DLG2: variants seen among roughly 807,000 people sequenced by gnomAD.
The protein encoded by DLG2 is discs large MAGUK scaffold protein 2.
In DLG2, 45 loss-of-function variants were observed where a neutral mutation model predicts 132.5. The ratio of observed to expected loss-of-function variants is 0.34; its 90% CI spans 0.27 to 0.44. The LOEUF (loss-of-function observed/expected upper bound fraction) is 0.44. DLG2 is among the 20% of genes least tolerant of loss of function. DLG2 has a pLI of 1.00. For missense variants in DLG2, 1,045 were observed against 1,196.9 expected, an observed-to-expected ratio of 0.87 and a Z score of 1.87; for synonymous variants, 424 against 419.6, an observed-to-expected ratio of 1.01 and a Z score of -0.13.
chr11:85,202,614 G>T (rs2081552660), intron 4 of DLG2, among the ~76,000 whole-genome samples: 1 of 152,018 alleles, frequency 6.6e-6, no homozygotes, highest in Non-Finnish European at 1.5e-5. Flanking sequence ...CCAGCACATG[G>T]AACATTCTCC....
intron 10 of DLG2, among the ~76,000 whole-genome samples, chr11:84,070,390 T>A (rs996332117): frequency 6.6e-6 from 1 of 152,236 alleles, no homozygotes; most frequent in Non-Finnish European, 1.5e-5. Flanking sequence ...CACTCAAGGC[T>A]TTATTGTCCA....
intron 17 of DLG2, among the ~76,000 whole-genome samples, chr11:83,788,076 G>A (rs1231142670): frequency 6.6e-6 from 1 of 152,136 alleles, no homozygotes; most frequent in South Asian, 2.1e-4. Flanking sequence ...TATTCATGGG[G>A]CAGGTTGATA....
intron 16 of DLG2, among the ~76,000 whole-genome samples, chr11:83,850,980 T>A (rs1359436972): frequency 2.0e-5 from 3 of 151,896 alleles, no homozygotes; most frequent in African/African-American, 7.3e-5. Context: ...ATCGAGATCA[T>A]CCTGGCTAAC....
rs558156663 is a variant in DLG2 at position 83,969,690 on chromosome 11, C to T, written c.1057-4222G>A. Reference sequence around the variant, plus strand: ...CCGGGTTCAAGCAATTCTCCTGCCTCAGCCTCCCGAGTAGCTGGGATTACA... The same window carrying T: ...CCGGGTTCAAGCAATTCTCCTGCCTTAGCCTCCCGAGTAGCTGGGATTACA... On this transcript the variant is annotated intron_variant, in intron 12 of 27. Transcript: ENST00000376104. 2.6e-5 allele frequency among the ~76,000 whole-genome samples: 4 copies of T among 152,274 alleles called. No individual in the cohort carries two copies. The South Asian group carries it at 6.2e-4, about 24-fold the overall frequency.
At chr11:83,527,571 G>A (rs1471063216) in intron 21 of DLG2, among the ~76,000 whole-genome samples, 1 of 151,902 alleles carries the variant, frequency 6.6e-6, no homozygotes, top group East Asian at 1.9e-4. Context: ...AAAGAGAGGT[G>A]TATGTAAACT....
At chr11:85,041,204 A>G (rs1204495524) in intron 6 of DLG2, among the ~76,000 whole-genome samples, 1 of 151,952 alleles carries the variant, frequency 6.6e-6, no homozygotes, top group African/African-American at 2.4e-5. Flanking sequence ...CTTCATGGGT[A>G]TAATAGCAGT....
intron 7 of DLG2, among the ~76,000 whole-genome samples, chr11:84,371,913 G>A (rs754286716): frequency 6.6e-6 from 1 of 152,114 alleles, no homozygotes; most frequent in South Asian, 2.1e-4. Context: ...ACGGAAAAGG[G>A]CAGTCATTTT....
intron 4 of DLG2, among the ~76,000 whole-genome samples, chr11:85,269,117 G>A (rs1331211072): frequency 6.6e-6 from 1 of 152,134 alleles, no homozygotes; most frequent in Non-Finnish European, 1.5e-5. Flanking sequence ...TCACTCAGAT[G>A]TTTTCCTTTT....
intron 3 of DLG2, among the ~76,000 whole-genome samples, chr11:85,405,375 T>G (rs2088624990): frequency 6.6e-6 from 1 of 152,024 alleles, no homozygotes. Flanking sequence ...CTGTGAGTTA[T>G]TTGTTTAATA....
intron 7 of DLG2, among the ~76,000 whole-genome samples, chr11:84,274,909 T>C (rs1196462710): frequency 6.6e-6 from 1 of 152,188 alleles, no homozygotes; most frequent in Non-Finnish European, 1.5e-5. Flanking sequence ...CCTGCCCTTA[T>C]AGTCTCCCAT....
intron 6 of DLG2, among the ~76,000 whole-genome samples, chr11:84,602,605 C>T (rs1940089): frequency 0.1 from 15,674 of 151,898 alleles, 912 homozygotes; most frequent in Admixed American, 0.16. Flanking sequence ...TTAAAACAAC[C>T]TATTTTCCTA....
intron 6 of DLG2, among the ~76,000 whole-genome samples, chr11:85,088,220 C>T (rs1377302): frequency 0.24 from 36,675 of 151,920 alleles, 4,687 homozygotes; most frequent in Middle Eastern, 0.29. Context: ...CAGGTTCTGG[C>T]TATAGCAACT....
In DLG2 at chr11:84,907,185, C is replaced by A. The variant is rs545358300; in HGVS notation, c.357+204476G>T. Among the ~76,000 whole-genome samples the A allele has an allele frequency of 1.1e-4, 17 of 152,206 alleles. No individual in the cohort carries two copies. The East Asian group carries it at 3.1e-3, about 28-fold the overall frequency. ...ATCCGCCCCTGACTGACAAGTCCGA[C>A]TTCATTTATTTAGAGAGGGTCCCTT... On this transcript the variant is annotated intron_variant, in intron 6 of 27. Coordinates refer to ENST00000376104, the MANE Select transcript of DLG2 (RefSeq NM_001142699.3).
intron 14 of DLG2, among the ~76,000 whole-genome samples, chr11:83,932,613 G>A (rs2080523217): frequency 6.6e-6 from 1 of 152,076 alleles, no homozygotes; most frequent in Admixed American, 6.5e-5. Context: ...CTAGAGCACA[G>A]TACAGTATAC....
chr11:84,523,575 A>C (rs943324033), intron 7 of DLG2, among the ~76,000 whole-genome samples: 4 of 152,258 alleles, frequency 2.6e-5, no homozygotes, highest in African/African-American at 9.6e-5. Flanking sequence ...TTACAATTCC[A>C]GACTGTTTAG....
intron 4 of DLG2, among the ~76,000 whole-genome samples, chr11:85,196,041 A>C (rs1486426953): frequency 1.3e-5 from 2 of 152,148 alleles, no homozygotes; most frequent in African/African-American, 4.8e-5. Context: ...TGGAATGAGA[A>C]TTTTCACACT....
chr11:84,834,073 A>T (rs901242125), intron 6 of DLG2, among the ~76,000 whole-genome samples: 1 of 151,726 alleles, frequency 6.6e-6, no homozygotes, highest in African/African-American at 2.4e-5. Flanking sequence ...ACTGTGTTAG[A>T]TATTTCTAAA....
At chr11:84,417,347 A>G (rs1209808738) in intron 7 of DLG2, among the ~76,000 whole-genome samples, 1 of 152,232 alleles carries the variant, frequency 6.6e-6, no homozygotes, top group South Asian at 2.1e-4. Flanking sequence ...TTGAAATGCA[A>G]CAAGACATGG....
intron 8 of DLG2, among the ~76,000 whole-genome samples, chr11:84,169,881 A>C (rs991382843): frequency 6.6e-6 from 1 of 152,108 alleles, no homozygotes; most frequent in Non-Finnish European, 1.5e-5. Flanking sequence ...TCAAAAAAAA[A>C]AAAAAAATCT....
Sources: allele counts gnomAD v4.1 joint callset (sites outside exome capture counted in the v4.1 genomes callset), GRCh38; gene constraint gnomAD v4.1.1; transcripts MANE v1.5; gene names NCBI Gene and HGNC (gene_info 2026-07-23, HGNC 2026-07-21).